AFDN: variants seen among roughly 807,000 people sequenced by gnomAD.
AFDN encodes the protein afadin, adherens junction formation factor.
A neutral mutation model predicts 216.6 loss-of-function variants in AFDN; 68 were observed. That is an observed-to-expected ratio of 0.31 (90% confidence interval 0.26 to 0.38). AFDN has a LOEUF of 0.38. AFDN is among the 10% of genes least tolerant of loss of function. AFDN has a pLI of 1.00. For missense variants in AFDN, 2,136 were observed against 2,342.0 expected, an observed-to-expected ratio of 0.91 and a Z score of 1.82; for synonymous variants, 868 against 853.7, an observed-to-expected ratio of 1.02 and a Z score of -0.29.
intron 19 of AFDN, among the ~76,000 whole-genome samples, chr6:167,916,450 A>G (rs1361807471): frequency 5.3e-5 from 8 of 152,234 alleles, no homozygotes; most frequent in African/African-American, 1.9e-4. Flanking sequence ...GAGATCAGTA[A>G]GATGGATTTC....
At position 167,943,442 on chromosome 6, in the gene AFDN, A is replaced by G. The variant is rs760321456; in HGVS notation, c.3206A>G (p.Asp1069Gly). ...LAAGDQLLSV[D>G]GRSLVGLSQE... The stretch of plus-strand genomic sequence containing the variant: ...GCAGGTGATCAGCTCCTCAGTGTGG[A>G]TGGACGAAGTCTGGTTGGACTCTCT... The change falls in exon 25 of 34, where the codon GAT (aspartate) becomes GGT (glycine). Residue 1069 changes from aspartate to glycine, a missense_variant. This residue lies in a region of AFDN where 74 missense variants were observed against 98.8 expected (regional missense o/e 0.75). Coordinates refer to ENST00000683244, the MANE Select transcript of AFDN (RefSeq NM_001386888.1). The G allele has an allele frequency of 6.2e-6, 10 of 1,614,050 alleles. No homozygotes were observed. The highest frequency in any genetic ancestry group is 8.5e-6 in the Non-Finnish European group (10 of 1,180,008).
chr6:167,969,942 A>T lies in AFDN; in HGVS notation c.*7A>T. On this transcript the variant is annotated 3_prime_UTR_variant, in exon 34 of 34. Transcript: ENST00000683244. ...TGAACTGAACACAAAGTGAAAGAAA[A>T]TGAGGAGAACACTTTGTATTTACCC... is the stretch of plus-strand genomic sequence containing the variant. The T allele has an allele frequency of 6.2e-7, 1 of 1,602,654 alleles. No individual in the cohort carries two copies. Among genetic ancestry groups the T allele is most frequent in the Middle Eastern group, 1.7e-4 (1 of 6,044 alleles).
rs1382205664 is a variant in AFDN at position 167,917,151 on chromosome 6, C to T, written c.2628C>T (p.Thr876=). The T allele has an allele frequency of 1.9e-6, 3 of 1,612,744 alleles. No individual in the cohort carries two copies. Among genetic ancestry groups the T allele is most frequent in the African/African-American group, 2.7e-5 (2 of 74,838 alleles). The change falls in exon 20 of 34, where the codon ACC becomes ACT. Residue 876 remains threonine (T), a synonymous_variant. Coordinates refer to ENST00000683244, the MANE Select transcript of AFDN (RefSeq NM_001386888.1). ...APDDIPNINS[T]CFKLNSLQLQ... is the part of the protein sequence containing the mutation. ...ATGACATTCCAAATATAAACAGCAC[C>T]TGCTTTAAGTTAAATTCATTACAAC... is the stretch of plus-strand genomic sequence containing the variant.
chr6:167,931,354 G>A (rs994127167), intron 23 of AFDN, among the ~76,000 whole-genome samples: 2 of 152,084 alleles, frequency 1.3e-5, no homozygotes, highest in Non-Finnish European at 2.9e-5. Flanking sequence ...CTGGAGATGT[G>A]GGATGCCTGT....
At position 167,913,387 on chromosome 6, in the gene AFDN, G is replaced by C. The variant is rs1049237385; in HGVS notation, c.2038-16G>C. On this transcript the variant is annotated splice_polypyrimidine_tract_variant and intron_variant, in intron 15 of 33. Transcript: ENST00000683244. ...CTCTCGTTCTGCTTGATTTCCCCTC[G>C]TCTGTTTTTCTCCAGGAAGTAGACC... 4.6e-6 allele frequency: 7 copies of C among 1,535,350 alleles called. No individual in the cohort carries two copies. The Admixed American group carries it at 1.4e-4, about 30-fold the overall frequency.
chr6:167,884,071 A>G (rs756383795), intron 6 of AFDN, among the ~76,000 whole-genome samples: 3 of 152,358 alleles, frequency 2.0e-5, no homozygotes, highest in Middle Eastern at 3.4e-3. Flanking sequence ...AGTTGATTCC[A>G]TAAGAAACTA....
intron 13 of AFDN, among the ~76,000 whole-genome samples, chr6:167,908,344 A>G (rs1789978930): frequency 6.6e-6 from 1 of 152,202 alleles, no homozygotes; most frequent in Non-Finnish European, 1.5e-5. Flanking sequence ...AGGGAATCCC[A>G]GGTTTTAACT....
At chr6:167,904,331 C>T (rs987446392) in intron 12 of AFDN, among the ~76,000 whole-genome samples, 1 of 152,046 alleles carries the variant, frequency 6.6e-6, no homozygotes, top group East Asian at 1.9e-4. Flanking sequence ...GCCTCTGCCT[C>T]CTGCGTAGCG....
intron 1 of AFDN, among the ~76,000 whole-genome samples, chr6:167,854,440 A>G (rs1017657397): frequency 6.6e-5 from 10 of 152,034 alleles, no homozygotes; most frequent in East Asian, 1.9e-4. Flanking sequence ...TGTGATATCA[A>G]AGTTTTACAT....
Position 167,962,894 on chromosome 6 carries a change from A to C in AFDN, c.4968+327A>C. ...TTTACTGAACATGGCCCAGCTTGTC[A>C]TTGTGAAGGTGACATTGGTTCAGTG... On this transcript the variant is annotated intron_variant, in intron 31 of 33. Coordinates refer to ENST00000683244, the MANE Select transcript of AFDN (RefSeq NM_001386888.1). This position sits in a 1 kb window ranked among gnomAD's most constrained non-coding sequence, Gnocchi z 5.2. 1 of 1,167,592 alleles carries C rather than the reference A, an allele frequency of 8.6e-7. No homozygotes were observed. Among genetic ancestry groups the C allele is most frequent in the Non-Finnish European group, 1.1e-6 (1 of 939,718 alleles). The allele number at this position is 1,167,592 out of a possible 1,614,324, so 72.3% of individuals were successfully genotyped here.
chr6:167,898,933 C>T (rs1043325718), intron 11 of AFDN, among the ~76,000 whole-genome samples: 3 of 152,114 alleles, frequency 2.0e-5, no homozygotes, highest in Non-Finnish European at 4.4e-5. Flanking sequence ...AAACAGAAAG[C>T]CTTTCTTAAT....
chr6:167,851,164 A>G (rs1782262340), intron 1 of AFDN, among the ~76,000 whole-genome samples: 3 of 152,216 alleles, frequency 2.0e-5, no homozygotes, highest in Admixed American at 2.0e-4. Context: ...TTCACGTCAT[A>G]TATACAGATC....
At chr6:167,955,266 G>C (rs1796380227) in intron 30 of AFDN, among the ~76,000 whole-genome samples, 1 of 149,820 alleles carries the variant, frequency 6.7e-6, no homozygotes, top group East Asian at 2.0e-4. Context: ...GACTTTAGTG[G>C]CCTTTTCACC....
chr6:167,915,270 T>C lies in AFDN; in HGVS notation c.2402T>C (p.Ile801Thr), dbSNP rs746942013. The change falls in exon 19 of 34, where the codon ATC becomes ACC. Residue 801 changes from isoleucine (I) to threonine (T), a missense_variant. This residue lies in a region of AFDN where 817 missense variants were observed against 965.7 expected (regional missense o/e 0.85). Coordinates refer to ENST00000683244, the MANE Select transcript of AFDN (RefSeq NM_001386888.1). ...CTCTTCTCTCAGCTCTTCCACTTCA[T>C]CAATATGTGGCTGTTCAATAGATTG... The part of the protein sequence containing the change: ...IQLFSQLFHF[I>T]NMWLFNRLVT... The C allele has an allele frequency of 1.2e-6, 2 of 1,614,136 alleles. No homozygotes were observed. The highest frequency in any genetic ancestry group is 2.2e-5 in the East Asian group (1 of 44,900).
At chr6:167,908,867 T>C (rs948269510) in intron 13 of AFDN, among the ~76,000 whole-genome samples, 8 of 152,204 alleles carry the variant, frequency 5.3e-5, no homozygotes, top group Non-Finnish European at 1.0e-4. Flanking sequence ...TGGGCAGTGT[T>C]ATAATAAGCA....
intron 4 of AFDN, among the ~76,000 whole-genome samples, chr6:167,874,953 T>G (rs1283132666): frequency 6.6e-6 from 1 of 152,176 alleles, no homozygotes; most frequent in African/African-American, 2.4e-5. Context: ...TTTGCAAAAT[T>G]AAGTATTCAG....
At chr6:167,943,098 A>G (rs369826397) in intron 23 of AFDN, 31 bp from the exon 24 acceptor site, 18 of 1,588,586 alleles carry the variant, frequency 1.1e-5, no homozygotes, top group Middle Eastern at 1.7e-4. Context: ...TATATCTTCA[A>G]TGCAGTGTTT....
At chr6:167,909,127 G>A (rs941730828) in intron 13 of AFDN, among the ~76,000 whole-genome samples, 2 of 151,878 alleles carry the variant, frequency 1.3e-5, no homozygotes, top group Non-Finnish European at 2.9e-5. Flanking sequence ...TGTAAATATG[G>A]GAATGTAAGG....
At chr6:167,931,144 C>G (rs757514407) in intron 23 of AFDN, among the ~76,000 whole-genome samples, 97 of 152,182 alleles carry the variant, frequency 6.4e-4, no homozygotes, top group Non-Finnish European at 4.4e-4. Flanking sequence ...GGTACTGATA[C>G]ATATTTGTTG....
Sources: allele counts gnomAD v4.1 joint callset (sites outside exome capture counted in the v4.1 genomes callset), GRCh38; gene constraint gnomAD v4.1.1; regional missense constraint gnomAD v4.1.1; non-coding constraint Gnocchi (gnomAD v3.1); transcripts MANE v1.5; gene names NCBI Gene and HGNC (gene_info 2026-07-23, HGNC 2026-07-21).